Variants in SUCLG2 observed in about 807,000 individuals in gnomAD.
The protein encoded by SUCLG2 is succinate--CoA ligase [GDP-forming] subunit beta, mitochondrial.
SUCLG2 carries 42 observed loss-of-function variants against 47.9 expected under a neutral mutation model. The observed-to-expected ratio is 0.88, with a 90% CI of 0.69 to 1.14. The LOEUF is 1.14. SUCLG2 is among the 50% of genes most tolerant of loss of function. The probability of loss-of-function intolerance (pLI) is 0.00; values close to 1 mark genes in which losing one functional copy is unlikely to be tolerated. For missense variants in SUCLG2, 571 were observed against 525.9 expected (o/e 1.09, Z -0.84); for synonymous variants, 195 against 197.3 (o/e 0.99, Z 0.10).
chr3:67,530,596 A>G (rs1706377480), intron 2 of SUCLG2, among the ~76,000 whole-genome samples: 1 of 152,208 alleles, frequency 6.6e-6, no homozygotes, highest in Non-Finnish European at 1.5e-5. Context: ...ATTTTACAGA[A>G]GGCATTCAGC....
intron 2 of SUCLG2, among the ~76,000 whole-genome samples, chr3:67,543,704 C>T (rs1230182950): frequency 2.6e-5 from 4 of 152,126 alleles, no homozygotes; most frequent in Non-Finnish European, 5.9e-5. Context: ...AAACTATTAA[C>T]TGAGGTTACC....
intron 9 of SUCLG2, among the ~76,000 whole-genome samples, chr3:67,404,396 C>T (rs535386027): frequency 3.3e-5 from 5 of 151,470 alleles, no homozygotes; most frequent in East Asian, 3.9e-4. Flanking sequence ...CATGAGAGAA[C>T]ACAAAAGAAT....
At chr3:67,441,150 C>T (rs1409649620) in intron 9 of SUCLG2, among the ~76,000 whole-genome samples, 4 of 152,084 alleles carry the variant, frequency 2.6e-5, no homozygotes. Context: ...ACTGCATGTT[C>T]TCACTCATAA....
chr3:67,643,018 C>T (rs1166368728), intron 1 of SUCLG2, among the ~76,000 whole-genome samples: 1 of 151,784 alleles, frequency 6.6e-6, no homozygotes, highest in African/African-American at 2.4e-5. Flanking sequence ...TGCCTTGCTC[C>T]CTGAGCTACT....
intron 7 of SUCLG2, 29 bp downstream of exon 7, chr3:67,508,778 T>C (rs550008954): frequency 1.2e-5 from 18 of 1,503,806 alleles, no homozygotes; most frequent in East Asian, 2.3e-5. Flanking sequence ...ATACATTCAT[T>C]TGTTTTCTCA....
intron 1 of SUCLG2, among the ~76,000 whole-genome samples, chr3:67,624,433 T>G (rs140419090): frequency 1.6e-3 from 243 of 152,354 alleles, no homozygotes; most frequent in Middle Eastern, 3.4e-3. Flanking sequence ...TATGGAAAAC[T>G]TGATCTTAGA....
chr3:67,471,422 C>G (rs1704602551), intron 9 of SUCLG2, among the ~76,000 whole-genome samples: 1 of 152,186 alleles, frequency 6.6e-6, no homozygotes, highest in Non-Finnish European at 1.5e-5. Context: ...ATTAGGACAT[C>G]ACACTTGCCT....
chr3:67,400,414 A>G (rs892632208), intron 10 of SUCLG2, among the ~76,000 whole-genome samples: 1 of 152,208 alleles, frequency 6.6e-6, no homozygotes, highest in Non-Finnish European at 1.5e-5. Context: ...GTTATGATGC[A>G]TGATTCTCAG....
At chr3:67,556,229 G>A (rs1487575692) in intron 2 of SUCLG2, among the ~76,000 whole-genome samples, 1 of 152,158 alleles carries the variant, frequency 6.6e-6, no homozygotes, top group African/African-American at 2.4e-5. Context: ...AAGGACAATC[G>A]CCACTGGGAT....
At chr3:67,572,148 C>G (rs1051061406) in intron 2 of SUCLG2, among the ~76,000 whole-genome samples, 31 of 152,194 alleles carry the variant, frequency 2.0e-4, no homozygotes, top group Admixed American at 1.9e-3. Context: ...AAATGCCTAT[C>G]TATGCATATT....
chr3:67,604,119 C>T (rs1450739445), intron 2 of SUCLG2, among the ~76,000 whole-genome samples: 1 of 152,170 alleles, frequency 6.6e-6, no homozygotes, highest in Non-Finnish European at 1.5e-5. Context: ...ATGAGGATCT[C>T]ACTCAATATC....
chr3:67,582,711 G>A (rs960342887), intron 2 of SUCLG2, among the ~76,000 whole-genome samples: 3 of 152,120 alleles, frequency 2.0e-5, no homozygotes, highest in African/African-American at 4.8e-5. Context: ...CACAAAGGCT[G>A]AACTAATCTA....
chr3:67,527,766 G>T (rs1390044549), intron 4 of SUCLG2, among the ~76,000 whole-genome samples: 4 of 152,152 alleles, frequency 2.6e-5, no homozygotes, highest in African/African-American at 9.7e-5. Context: ...AGACACGCCT[G>T]GGGTTGAGGG....
At chr3:67,418,593 GATATAA>G (rs1220122576) in intron 9 of SUCLG2, among the ~76,000 whole-genome samples, 1 of 152,144 alleles carries the variant, frequency 6.6e-6, no homozygotes, top group African/African-American at 2.4e-5. Context: ...TCCTTTCTCT[GATATAA>G]ATATAGTTAG....
At chr3:67,596,600 A>G (rs1708298799) in intron 2 of SUCLG2, among the ~76,000 whole-genome samples, 1 of 152,128 alleles carries the variant, frequency 6.6e-6, no homozygotes, top group Non-Finnish European at 1.5e-5. Flanking sequence ...GAGTTTACAC[A>G]TCTGTCTCTC....
At chr3:67,555,398 A>G (rs1052670860) in intron 2 of SUCLG2, among the ~76,000 whole-genome samples, 4 of 152,132 alleles carry the variant, frequency 2.6e-5, no homozygotes, top group Non-Finnish European at 5.9e-5. Context: ...GTGTTTGTGT[A>G]TGTCTATACA....
At chr3:67,438,964 T>G (rs1703691246) in intron 9 of SUCLG2, among the ~76,000 whole-genome samples, 2 of 152,212 alleles carry the variant, frequency 1.3e-5, no homozygotes, top group Non-Finnish European at 1.5e-5. Flanking sequence ...ATATCCATGA[T>G]GAACATCAAT....
intron 1 of SUCLG2, among the ~76,000 whole-genome samples, chr3:67,617,055 T>G (rs1258983384): frequency 1.3e-5 from 2 of 152,188 alleles, no homozygotes; most frequent in South Asian, 4.1e-4. Flanking sequence ...TTAGCACCGA[T>G]AAATCTACCT....
intron 9 of SUCLG2, among the ~76,000 whole-genome samples, chr3:67,401,442 CA>C (rs1314593027): frequency 6.6e-6 from 1 of 151,846 alleles, no homozygotes; most frequent in Non-Finnish European, 1.5e-5. Context: ...TAAAGAGATC[CA>C]AGCTTATAGC....
Sources: allele counts gnomAD v4.1 joint callset (sites outside exome capture counted in the v4.1 genomes callset), GRCh38; gene constraint gnomAD v4.1.1; transcripts MANE v1.5; gene names NCBI Gene and HGNC (gene_info 2026-07-23, HGNC 2026-07-21).